ETS1: variants seen among roughly 807,000 people sequenced by gnomAD.
ETS1 encodes protein C-ets-1.
In ETS1, 15 loss-of-function variants were observed where a neutral mutation model predicts 58.6. The observed-to-expected ratio is 0.26, with a 90% CI of 0.17 to 0.39. The LOEUF (loss-of-function observed/expected upper bound fraction) is 0.39, where lower values mean the gene tolerates loss of function less well. ETS1 is among the 10% of genes least tolerant of loss of function. The pLI is 1.00. For synonymous variants in ETS1, 214 were observed against 218.2 expected, an observed-to-expected ratio of 0.98 and a Z score of 0.17; for missense variants, 417 against 610.5, an observed-to-expected ratio of 0.68 and a Z score of 3.34.
intron 7 of ETS1, among the ~76,000 whole-genome samples, chr11:128,482,938 G>T (rs1862529496): frequency 6.6e-6 from 1 of 152,180 alleles, no homozygotes; most frequent in South Asian, 2.1e-4. Flanking sequence ...AATAAGTGGG[G>T]CATAGAAGCA....
In ETS1 at chr11:128,464,702, A is replaced by T. The variant is rs1861988617; in HGVS notation, c.1124-1075T>A. 6.6e-6 allele frequency among the ~76,000 whole-genome samples: 1 copy of T among 152,156 alleles called. No individual in the cohort carries two copies. Among genetic ancestry groups the T allele is most frequent in the African/African-American group, 2.4e-5 (1 of 41,428 alleles). ...GAAAGCTTTGCTCACTAAGGCTCTA[A>T]TTTTTCACCGGAGTTGCAAATTTGT... On this transcript the variant is annotated intron_variant, in intron 8 of 9. Coordinates refer to ENST00000392668, the MANE Select transcript of ETS1 (RefSeq NM_001143820.2). The surrounding 1 kb of genome is among the most constrained non-coding windows in gnomAD (Gnocchi z 4.1).
At chr11:128,539,322 G>A (rs1483330161) in intron 3 of ETS1, among the ~76,000 whole-genome samples, 2 of 152,132 alleles carry the variant, frequency 1.3e-5, no homozygotes, top group African/African-American at 2.4e-5. Context: ...CTTGTATTCA[G>A]AATATGTAAA....
Position 128,484,913 on chromosome 11 carries a change from G to C in ETS1, c.772C>G (p.Leu258Val), listed in dbSNP as rs991134658. The part of the protein sequence containing the change: ...DYPSVILRDP[L>V]QTDTLQNDYF... ...TCATTCTGCAAGGTGTCTGTCTGGA[G>C]AGGGTCTCGGAGAATGACCGAGGGG... is the stretch of plus-strand genomic sequence containing the variant. The change falls in exon 7 of 10, where the codon CTC becomes GTC. Residue 258 changes from leucine (L) to valine (V), a missense_variant. Coordinates refer to ENST00000392668, the MANE Select transcript of ETS1 (RefSeq NM_001143820.2). 3 of 1,613,928 alleles carry C rather than the reference G, an allele frequency of 1.9e-6. No homozygotes were observed. The highest frequency in any genetic ancestry group is 2.5e-6 in the Non-Finnish European group (3 of 1,179,954).
At chr11:128,506,657 A>C (rs1208815689) in intron 3 of ETS1, among the ~76,000 whole-genome samples, 1 of 152,138 alleles carries the variant, frequency 6.6e-6, no homozygotes, top group Non-Finnish European at 1.5e-5. Context: ...GAAAGGGAAG[A>C]CGAGAGGATG....
At position 128,461,889 on chromosome 11, in the gene ETS1, T is replaced by TC. The variant is rs927708752; in HGVS notation, c.*471dup. 6.6e-4 allele frequency: 102 copies of TC among 153,816 alleles called. No individual in the cohort carries two copies. Among genetic ancestry groups the TC allele is most frequent in the Middle Eastern group, 3.4e-3 (1 of 290 alleles). 9.5% of individuals were successfully genotyped at this position (153,816 alleles called of 1,614,324 possible). A position where few individuals can be genotyped will look rare whatever the true frequency, so the allele number is the denominator to read the frequency against. ...AAATAGTTCTCAGATTTTCAGTGCA[T>TC]CCCCCCCCAAAACATGTTTCATCCC... On this transcript the variant is annotated 3_prime_UTR_variant, in exon 10 of 10. Transcript: ENST00000392668.
At chr11:128,519,767 A>G (rs996357306) in intron 3 of ETS1, among the ~76,000 whole-genome samples, 9 of 152,204 alleles carry the variant, frequency 5.9e-5, no homozygotes, top group Non-Finnish European at 1.2e-4. Context: ...CCACTGGCTC[A>G]CTACATATTT....
chr11:128,495,682 A>T lies in ETS1; in HGVS notation c.215-5106T>A, dbSNP rs569475708. ...TGGTCCACATGGAGAGGATAAAAGA[A>T]CAGTTCTCCAAACTGAAAGATAGGA... On this transcript the variant is annotated intron_variant, in intron 3 of 9. Transcript: ENST00000392668. Among the ~76,000 whole-genome samples the T allele has an allele frequency of 4.5e-4, 68 of 152,250 alleles. 1 individual carries two copies. The highest frequency in any genetic ancestry group is 9.0e-4 in the Non-Finnish European group (61 of 68,046).
chr11:128,480,283 G>A lies in ETS1; in HGVS notation c.1031C>T (p.Pro344Leu). Residue 344 changes from proline (P) to leucine (L), a missense_variant, in exon 8 of 10, where the codon CCC (proline) becomes CTC (leucine). Pro to Leu is a moderately conservative substitution (Grantham distance 98). Around this residue, in one of 4 missense-constraint regions of ETS1, gnomAD observed 139 missense variants for 152.1 expected, o/e 0.91. Coordinates refer to ENST00000392668, the MANE Select transcript of ETS1 (RefSeq NM_001143820.2). ...CACATAGTCCTTGAAGGTGCCCTTG[G>A]GCTTGTGGTTGGGCAGGGCAGCCGG... is the stretch of plus-strand genomic sequence containing the variant. ...DYPAALPNHK[P>L]KGTFKDYVRD... 6.2e-7 allele frequency: 1 copy of A among 1,614,124 alleles called. No homozygotes were observed. Among genetic ancestry groups the A allele is most frequent in the Non-Finnish European group, 8.5e-7 (1 of 1,180,028 alleles).
chr11:128,484,974 C>T lies in ETS1; in HGVS notation c.711G>A (p.Ser237=), dbSNP rs748963752. ...ESYQTLHPIS[S]EELLSLKYEN... is the part of the protein sequence containing the mutation. Reference sequence around the variant, plus strand: ...CATACTTGAGGGAGAGGAGCTCTTCCGAGCTGATGGGATGGAGCGTCTGAT... The same window carrying T: ...CATACTTGAGGGAGAGGAGCTCTTCTGAGCTGATGGGATGGAGCGTCTGAT... The change falls in exon 7 of 10, where the codon TCG becomes TCA. Residue 237 remains serine (S), a synonymous_variant. Coordinates refer to ENST00000392668, the MANE Select transcript of ETS1 (RefSeq NM_001143820.2). 6.8e-6 allele frequency: 11 copies of T among 1,613,842 alleles called. No homozygotes were observed. Among genetic ancestry groups the T allele is most frequent in the Admixed American group, 3.3e-5 (2 of 59,986 alleles).
chr11:128,522,302 C>G (rs1359307891), intron 3 of ETS1: 33 of 1,080,604 alleles, frequency 3.1e-5, no homozygotes, highest in Non-Finnish European at 3.6e-5. Context: ...CTCGTTCGCT[C>G]TCGATCTCCC....
intron 1 of ETS1, among the ~76,000 whole-genome samples, chr11:128,573,662 G>A (rs12366158): frequency 0.069 from 10,473 of 152,188 alleles, 528 homozygotes; most frequent in South Asian, 0.14. Flanking sequence ...CCCTGCAAAA[G>A]GGATTGAGCA....
intron 8 of ETS1, among the ~76,000 whole-genome samples, chr11:128,475,805 C>A (rs1862307084): frequency 1.3e-5 from 2 of 152,062 alleles, no homozygotes; most frequent in Admixed American, 1.3e-4. Flanking sequence ...CCTGCCTCTG[C>A]CTCCCAAAGT....
Position 128,514,204 on chromosome 11 carries a change from A to G in ETS1, c.215-23628T>C, listed in dbSNP as rs181126535. Among the ~76,000 whole-genome samples, 293 of 152,260 alleles carry G rather than the reference A, an allele frequency of 1.9e-3. 1 individual carries two copies. Among genetic ancestry groups the G allele is most frequent in the Non-Finnish European group, 3.3e-3 (222 of 68,008 alleles). ...GTTTAACGCTTATTCTGATAAACTG[A>G]TACAGAGGTTTTAACAACAGTATGA... On this transcript the variant is annotated intron_variant, in intron 3 of 9. Coordinates refer to ENST00000392668, the MANE Select transcript of ETS1 (RefSeq NM_001143820.2).
At chr11:128,521,574 T>C (rs1863670353) in intron 3 of ETS1, among the ~76,000 whole-genome samples, 1 of 151,960 alleles carries the variant, frequency 6.6e-6, no homozygotes, top group African/African-American at 2.4e-5. Flanking sequence ...CCCCTTAACA[T>C]TAAGGAATAA....
At chr11:128,483,460 G>A (rs1008645629) in intron 7 of ETS1, among the ~76,000 whole-genome samples, 9 of 152,098 alleles carry the variant, frequency 5.9e-5, no homozygotes, top group African/African-American at 1.7e-4. Flanking sequence ...GCTTTGACTC[G>A]CCTGATAAAA....
intron 1 of ETS1, among the ~76,000 whole-genome samples, chr11:128,586,457 C>T (rs6590339): frequency 0.82 from 125,279 of 152,192 alleles, 51,776 homozygotes; most frequent in Non-Finnish European, 0.84. Flanking sequence ...GGCCACCAAA[C>T]CCAAAACCAC....
chr11:128,514,868 C>G (rs771230791), intron 3 of ETS1, among the ~76,000 whole-genome samples: 13 of 152,150 alleles, frequency 8.5e-5, no homozygotes, highest in Non-Finnish European at 1.9e-4. Flanking sequence ...AAAGCTTTTC[C>G]AAGAATCTAT....
intron 3 of ETS1, among the ~76,000 whole-genome samples, chr11:128,506,779 G>A (rs1457172310): frequency 6.6e-6 from 1 of 152,144 alleles, no homozygotes; most frequent in Non-Finnish European, 1.5e-5. Flanking sequence ...ATTTCCAGAG[G>A]CAGACACCTG....
intron 1 of ETS1, among the ~76,000 whole-genome samples, chr11:128,587,010 A>G (rs1222259517): frequency 6.6e-6 from 1 of 152,186 alleles, no homozygotes; most frequent in Non-Finnish European, 1.5e-5. Flanking sequence ...TTGGCTAGCA[A>G]GATTCAAACC....
Sources: allele counts gnomAD v4.1 joint callset (sites outside exome capture counted in the v4.1 genomes callset), GRCh38; gene constraint gnomAD v4.1.1; regional missense constraint gnomAD v4.1.1; non-coding constraint Gnocchi (gnomAD v3.1); transcripts MANE v1.5; gene names NCBI Gene and HGNC (gene_info 2026-07-23, HGNC 2026-07-21).